Variants in SGCB observed in about 807,000 individuals in gnomAD.
The protein encoded by SGCB is beta-sarcoglycan.
In SGCB, 25 loss-of-function variants were observed where a neutral mutation model predicts 27.3. That is an observed-to-expected ratio of 0.92 (90% CI 0.67 to 1.28). The LOEUF (loss-of-function observed/expected upper bound fraction) is 1.28. SGCB is among the 50% of genes most tolerant of loss of function. The pLI, the probability that SGCB is intolerant of heterozygous loss-of-function variation, is 0.00. For synonymous variants in SGCB, 147 were observed against 133.5 expected (o/e 1.10, Z -0.70); for missense variants, 436 against 402.1 (o/e 1.08, Z -0.72).
chr4:52,033,524 A>T lies in SGCB; in HGVS notation c.150T>A (p.Asp50Glu). Residue 50 changes from aspartate to glutamate, a missense_variant, in exon 2 of 6, where the codon GAT (aspartate) becomes GAA (glutamate). Asp to Glu is a conservative substitution (Grantham distance 45). Transcript: ENST00000381431. Reference protein sequence around the residue: ...FKAGYIPIDEDRLHKTGLRGR... With the variant: ...FKAGYIPIDEERLHKTGLRGR... ...CTCTCAACCCTGTTTTGTGGAGACG[A>T]TCTTCATCAATCGGAATGTATCCAG... The T allele has an allele frequency of 1.2e-6, 2 of 1,613,828 alleles. No individual in the cohort carries two copies. Among genetic ancestry groups the T allele is most frequent in the Non-Finnish European group, 1.7e-6 (2 of 1,179,744 alleles).
At chr4:52,027,407 T>C (rs1381191307) in intron 5 of SGCB, among the ~76,000 whole-genome samples, 2 of 151,806 alleles carry the variant, frequency 1.3e-5, no homozygotes, top group African/African-American at 4.8e-5. Context: ...CAATTAATAA[T>C]AGATTAAAAA....
intron 1 of SGCB, among the ~76,000 whole-genome samples, chr4:52,036,981 G>C (rs1271037689): frequency 2.0e-5 from 3 of 152,126 alleles, no homozygotes; most frequent in African/African-American, 7.2e-5. Flanking sequence ...TTAAGTTCAG[G>C]GCTGGAGACG....
chr4:52,027,252 T>C (rs1737123804), intron 5 of SGCB, among the ~76,000 whole-genome samples: 1 of 152,076 alleles, frequency 6.6e-6, no homozygotes, highest in African/African-American at 2.4e-5. Flanking sequence ...TAAGTATACT[T>C]TGACCAGAAT....
At chr4:52,029,161 G>C (rs1737185050) in intron 3 of SGCB, among the ~76,000 whole-genome samples, 2 of 152,228 alleles carry the variant, frequency 1.3e-5, no homozygotes, top group African/African-American at 2.4e-5. Context: ...ATGAGTCATG[G>C]AGGAACATGG....
chr4:52,031,868 G>A (rs1396570450), intron 2 of SGCB: 1 of 455,270 alleles, frequency 2.2e-6, no homozygotes, highest in Non-Finnish European at 4.4e-6. Context: ...TTTTCACCGG[G>A]ACTTGCCAAA....
chr4:52,028,693 T>G, intron 4 of SGCB, 37 bp downstream of exon 4: 1 of 1,409,674 alleles, frequency 7.1e-7, no homozygotes, highest in Non-Finnish European at 1.0e-6. Context: ...AGAGAATAAT[T>G]CTCTCCCATT....
rs1270542765 is a variant in SGCB at position 52,022,846 on chromosome 4, A to G, written c.*1111T>C. On this transcript the variant is annotated 3_prime_UTR_variant, in exon 6 of 6. Coordinates refer to ENST00000381431, the MANE Select transcript of SGCB (RefSeq NM_000232.5). Reference sequence around the variant, plus strand: ...AGAAGTAGGTAAATTTGACCTCTCCATCGTATAATATTTTGGAATTGGCCC... The same window carrying G: ...AGAAGTAGGTAAATTTGACCTCTCCGTCGTATAATATTTTGGAATTGGCCC... 6.6e-6 allele frequency: 1 copy of G among 152,204 alleles called. No homozygotes were observed. The highest frequency in any genetic ancestry group is 2.4e-5 in the African/African-American group (1 of 41,444). The allele number at this position is 152,204 out of a possible 1,614,324, so 9.4% of individuals were successfully genotyped here.
In SGCB at chr4:52,023,662, T is replaced by C. The variant is rs188088101; in HGVS notation, c.*295A>G. On this transcript the variant is annotated 3_prime_UTR_variant, in exon 6 of 6. Coordinates refer to ENST00000381431, the MANE Select transcript of SGCB (RefSeq NM_000232.5). ...ACAGCTGCTTCAGACCTTTAACCTT[T>C]AGAAAAGGGATAGTGGAATTTTAAA... 6.2e-5 allele frequency: 22 copies of C among 352,590 alleles called. No individual in the cohort carries two copies. The highest frequency in any genetic ancestry group is 3.6e-4 in the African/African-American group (17 of 47,582). The allele number at this position is 352,590 out of a possible 1,614,324, so 21.8% of individuals were successfully genotyped here. A position where few individuals can be genotyped will look rare whatever the true frequency, so the allele number is the denominator to read the frequency against.
At chr4:52,033,374 A>T (rs1305662373) in intron 2 of SGCB, 57 bp downstream of exon 2, 3 of 1,065,376 alleles carry the variant, frequency 2.8e-6, no homozygotes, top group Admixed American at 3.5e-5. Flanking sequence ...ATTTCACTAT[A>T]AAGCAGATAA....
chr4:52,029,249 G>A (rs172817), intron 3 of SGCB, among the ~76,000 whole-genome samples: 87,746 of 152,042 alleles, frequency 0.58, 28,287 homozygotes, highest in Middle Eastern at 0.78. Flanking sequence ...TATGTTTTCA[G>A]CTCTTGGCAT....
chr4:52,033,377 G>T, intron 2 of SGCB, 54 bp downstream of exon 2: 1 of 1,089,928 alleles, frequency 9.2e-7, no homozygotes, highest in Non-Finnish European at 1.4e-6. Flanking sequence ...TCACTATAAA[G>T]CAGATAAAAA....
intron 2 of SGCB, 29 bp downstream of exon 2, chr4:52,033,402 T>A: frequency 1.4e-6 from 2 of 1,475,404 alleles, no homozygotes; most frequent in Non-Finnish European, 1.9e-6. Flanking sequence ...CCCATGGCAA[T>A]TAAAATGAGT....
rs765157791 is a variant in SGCB at position 52,038,211 on chromosome 4, G to T, written c.33+16C>A. On this transcript the variant is annotated intron_variant, in intron 1 of 5. Coordinates refer to ENST00000381431, the MANE Select transcript of SGCB (RefSeq NM_000232.5). ...CCCCGCTCCTCCAGCCCGCGGCCGC[G>T]GCGGTACTCACAGACCTGTTCTGCA... 19 of 1,241,608 alleles carry T rather than the reference G, an allele frequency of 1.5e-5. No homozygotes were observed. Among genetic ancestry groups the T allele is most frequent in the Non-Finnish European group, 2.0e-6 (2 of 989,688 alleles). The allele number at this position is 1,241,608 out of a possible 1,614,324, so 76.9% of individuals were successfully genotyped here.
At position 52,022,742 on chromosome 4, in the gene SGCB, G is replaced by A. The variant is rs1736987501; in HGVS notation, c.*1215C>T. The A allele has an allele frequency of 6.6e-6, 1 of 152,156 alleles. No homozygotes were observed. Among genetic ancestry groups the A allele is most frequent in the Non-Finnish European group, 1.5e-5 (1 of 68,034 alleles). 9.4% of individuals were successfully genotyped at this position (152,156 alleles called of 1,614,324 possible). On this transcript the variant is annotated 3_prime_UTR_variant, in exon 6 of 6. Coordinates refer to ENST00000381431, the MANE Select transcript of SGCB (RefSeq NM_000232.5). Reference sequence around the variant, plus strand: ...CACTGTGTTGCCCCGAGTGCTGAGGGTATAAATATCTTGGCAACTCTGTTA... The same window carrying A: ...CACTGTGTTGCCCCGAGTGCTGAGGATATAAATATCTTGGCAACTCTGTTA...
chr4:52,038,181 G>T, intron 1 of SGCB, 46 bp downstream of exon 1: 1 of 1,194,878 alleles, frequency 8.4e-7, no homozygotes, highest in Non-Finnish European at 1.0e-6. Context: ...GCAGGACGCG[G>T]CCTCCCCCGC....
At chr4:52,035,510 G>A (rs1345956859) in intron 1 of SGCB, among the ~76,000 whole-genome samples, 1 of 152,064 alleles carries the variant, frequency 6.6e-6, no homozygotes, top group Non-Finnish European at 1.5e-5. Flanking sequence ...GGTTGTGAAG[G>A]TTCTTGGACA....
At chr4:52,028,390 C>T (rs1376349984) in intron 4 of SGCB, among the ~76,000 whole-genome samples, 2 of 152,176 alleles carry the variant, frequency 1.3e-5, no homozygotes, top group Non-Finnish European at 2.9e-5. Flanking sequence ...GTAATCCCAG[C>T]ACTTTGGGAG....
At chr4:52,025,289 TAG>T in intron 5 of SGCB, among the ~76,000 whole-genome samples, 1 of 152,030 alleles carries the variant, frequency 6.6e-6, no homozygotes, top group Non-Finnish European at 1.5e-5. Flanking sequence ...GCAGGATAAG[TAG>T]AGAGTGAGCA....
At position 52,024,111 on chromosome 4, in the gene SGCB, A is replaced by G. The variant is rs773913492; in HGVS notation, c.803T>C (p.Leu268Pro). 5 of 1,614,176 alleles carry G rather than the reference A, an allele frequency of 3.1e-6. No individual in the cohort carries two copies. Among genetic ancestry groups the G allele is most frequent in the Non-Finnish European group, 4.2e-6 (5 of 1,180,020 alleles). ...NGSVMVSTTR[L>P]PSSSSGDQLG... ...CTGGTCTCCACTGGAGGAACTGGGT[A>G]GGCGGGTGGTGCTGACCATCACAGA... The change falls in exon 6 of 6, where the codon CTA (leucine) becomes CCA (proline). Residue 268 changes from leucine (L) to proline (P), a missense_variant. Coordinates refer to ENST00000381431, the MANE Select transcript of SGCB (RefSeq NM_000232.5).
Sources: gnomAD v4.1 joint callset for allele counts (sites outside exome capture counted in the v4.1 genomes callset) on GRCh38, gnomAD v4.1.1 for gene constraint, MANE v1.5 for transcripts, NCBI Gene and HGNC (gene_info 2026-07-23, HGNC 2026-07-21) for gene names.